The following UBE3D variants were observed in gnomAD, a reference collection of about 807,000 sequenced individuals.
The protein encoded by UBE3D is ubiquitin protein ligase E3D.
UBE3D carries 48 observed loss-of-function variants against 49.6 expected under a neutral mutation model. That is an observed-to-expected ratio of 0.97 (90% CI 0.77 to 1.23). The LOEUF (loss-of-function observed/expected upper bound fraction) is 1.23, where lower values mean the gene tolerates loss of function less well. Among genes scored for constraint, UBE3D ranks in the 50% most tolerant of loss-of-function variants. The pLI, the probability that UBE3D is intolerant of heterozygous loss-of-function variation, is 0.00. For missense variants in UBE3D, 452 were observed against 468.4 expected (o/e 0.96, Z 0.32); for synonymous variants, 189 against 174.2 (o/e 1.08, Z -0.67).
At chr6:83,022,392 T>G (rs755655491) in intron 7 of UBE3D, 61 bp downstream of exon 7, 9 of 1,095,078 alleles carry the variant, frequency 8.2e-6, no homozygotes, top group Non-Finnish European at 1.1e-5. Context: ...ATGAAAAAAC[T>G]GAAGAATTCT....
intron 9 of UBE3D, among the ~76,000 whole-genome samples, chr6:82,946,736 C>A (rs1775429952): frequency 6.6e-6 from 1 of 151,760 alleles, no homozygotes. Flanking sequence ...ACAGAAACAA[C>A]AAAAATTAAA....
chr6:83,064,420 G>T (rs913151311), intron 1 of UBE3D, among the ~76,000 whole-genome samples: 17 of 152,074 alleles, frequency 1.1e-4, no homozygotes, highest in South Asian at 2.1e-4. Flanking sequence ...TAGAGACAGG[G>T]TTTCACCATG....
chr6:82,903,343 G>A (rs1378502481), intron 9 of UBE3D, among the ~76,000 whole-genome samples: 2 of 152,032 alleles, frequency 1.3e-5, no homozygotes, highest in East Asian at 3.9e-4. Flanking sequence ...TGGTAAGGAG[G>A]AGAAAGAAGA....
rs1307802737 is a variant in UBE3D at position 83,037,040 on chromosome 6, C to T, written c.667+1376G>A. 4 of 152,114 alleles carry T rather than the reference C, an allele frequency of 2.6e-5. No individual in the cohort carries two copies. The East Asian group carries it at 7.7e-4, about 29-fold the overall frequency. 9.4% of individuals were successfully genotyped at this position (152,114 alleles called of 1,614,324 possible). A position where few individuals can be genotyped will look rare whatever the true frequency, so the allele number is the denominator to read the frequency against. ...GGTGTGGGGGAGGTCTTCCAATCTC[C>T]AACCTTGAGGATTACAGAAGCAAGT... On this transcript the variant is annotated intron_variant, in intron 5 of 9. Transcript: ENST00000369747.
At chr6:83,056,967 T>C (rs1783854012) in intron 2 of UBE3D, among the ~76,000 whole-genome samples, 1 of 152,228 alleles carries the variant, frequency 6.6e-6, no homozygotes, top group Non-Finnish European at 1.5e-5. Flanking sequence ...TTGTAATAGA[T>C]GTAATGAACC....
At chr6:82,919,760 C>T (rs1773191962) in intron 9 of UBE3D, among the ~76,000 whole-genome samples, 1 of 152,028 alleles carries the variant, frequency 6.6e-6, no homozygotes, top group Non-Finnish European at 1.5e-5. Flanking sequence ...CGGAGACTGC[C>T]TATTTTTGAA....
At chr6:82,901,578 G>A (rs1310880551) in intron 9 of UBE3D, among the ~76,000 whole-genome samples, 7 of 152,098 alleles carry the variant, frequency 4.6e-5, no homozygotes, top group Non-Finnish European at 8.8e-5. Flanking sequence ...TTATATAGCT[G>A]AGCAAACCAT....
intron 8 of UBE3D, among the ~76,000 whole-genome samples, chr6:83,009,135 C>T (rs78026839): frequency 6.6e-6 from 1 of 152,068 alleles, no homozygotes; most frequent in East Asian, 1.9e-4. Context: ...AAAGATTCTA[C>T]ATATAATGAA....
chr6:83,032,002 G>A (rs1466971081), intron 5 of UBE3D, among the ~76,000 whole-genome samples: 2 of 152,240 alleles, frequency 1.3e-5, no homozygotes, highest in African/African-American at 2.4e-5. Flanking sequence ...CCAGGCAGAG[G>A]TGTGCTGCAG....
At chr6:82,999,448 G>A (rs1047349568) in intron 8 of UBE3D, among the ~76,000 whole-genome samples, 32 of 152,190 alleles carry the variant, frequency 2.1e-4, no homozygotes, top group Admixed American at 9.2e-4. Flanking sequence ...GCAGTGGCGC[G>A]ATCTAGGCTC....
At chr6:82,972,716 G>A (rs1316485652) in intron 8 of UBE3D, among the ~76,000 whole-genome samples, 3 of 152,146 alleles carry the variant, frequency 2.0e-5, no homozygotes, top group African/African-American at 7.2e-5. Context: ...TACCATTTAT[G>A]TTGCAGACTG....
intron 8 of UBE3D, among the ~76,000 whole-genome samples, chr6:82,998,701 T>C (rs1040445332): frequency 1.3e-5 from 2 of 152,210 alleles, no homozygotes; most frequent in African/African-American, 4.8e-5. Context: ...TTCTACCAGA[T>C]CTAAGTTTCA....
chr6:83,054,227 T>C lies in UBE3D; in HGVS notation c.286A>G (p.Met96Val). Residue 96 changes from methionine (M) to valine (V), a missense_variant, in exon 3 of 10, where the codon ATG (methionine) becomes GTG (valine). Met to Val is a conservative substitution (Grantham distance 21). Transcript: ENST00000369747. ...QAKLGTKLIS[M>V]FNQSSQTQEC... ...TGGGTTTGCGAGCTTTGATTAAACA[T>C]TGAAATCAGTTCTAAAGGAAGTCAA... The C allele has an allele frequency of 1.2e-6, 2 of 1,613,672 alleles. No individual in the cohort carries two copies. Among genetic ancestry groups the C allele is most frequent in the Non-Finnish European group, 1.7e-6 (2 of 1,179,642 alleles).
At chr6:82,939,801 G>C (rs1156745104) in intron 9 of UBE3D, among the ~76,000 whole-genome samples, 3 of 152,184 alleles carry the variant, frequency 2.0e-5, no homozygotes, top group South Asian at 2.1e-4. Flanking sequence ...ATACATGACG[G>C]TATTTCCTTT....
At chr6:82,993,441 A>C (rs1295963478) in intron 8 of UBE3D, among the ~76,000 whole-genome samples, 3 of 152,146 alleles carry the variant, frequency 2.0e-5, no homozygotes, top group Non-Finnish European at 2.9e-5. Context: ...AAATCCACCC[A>C]TGTTCAAGTC....
At chr6:82,887,390 T>TTTTTGTTTTGTTTTG (rs1491433556), downstream of UBE3D, among the ~76,000 whole-genome samples, 22 of 86,152 alleles carry the variant, frequency 2.6e-4, 2 homozygotes, top group African/African-American at 2.0e-3. Flanking sequence ...ACAGTAACAG[T>TTTTTGTTTTGTTTTG]TTTTTTTTTT....
intron 8 of UBE3D, among the ~76,000 whole-genome samples, chr6:82,998,426 A>T (rs2127741676): frequency 6.6e-6 from 1 of 152,358 alleles, no homozygotes; most frequent in South Asian, 2.1e-4. Context: ...ATTCTGGCAG[A>T]CACTAAAGAT....
chr6:82,959,717 CAAAAAAAAAAAAA>C (rs778278435), intron 8 of UBE3D, among the ~76,000 whole-genome samples: 5 of 37,718 alleles, frequency 1.3e-4, no homozygotes, highest in South Asian at 1.2e-3. Flanking sequence ...GTGAGACCTC[CAAAAAAAAAAAAA>C]AAAAAAAAAA....
chr6:83,031,851 G>A (rs537392986), intron 5 of UBE3D, among the ~76,000 whole-genome samples: 6 of 152,298 alleles, frequency 3.9e-5, no homozygotes, highest in Admixed American at 6.5e-5. Context: ...GGTACAGCTC[G>A]GGCCCCGGCT....
Sources: allele counts gnomAD v4.1 joint callset (sites outside exome capture counted in the v4.1 genomes callset), GRCh38; gene constraint gnomAD v4.1.1; transcripts MANE v1.5; gene names NCBI Gene and HGNC (gene_info 2026-07-23, HGNC 2026-07-21).